Variants in OLAH observed in about 807,000 individuals in gnomAD.
The protein encoded by OLAH is oleoyl-ACP hydrolase.
A neutral mutation model predicts 27.8 loss-of-function variants in OLAH; 33 were observed. The ratio of observed to expected loss-of-function variants is 1.19; its 90% CI spans 0.90 to 1.59. The LOEUF is 1.59. OLAH is among the 40% of genes most tolerant of loss of function. OLAH has a pLI of 0.00. For synonymous variants in OLAH, 120 were observed against 102.9 expected, an observed-to-expected ratio of 1.17 and a Z score of -1.01; for missense variants, 359 against 310.8, an observed-to-expected ratio of 1.16 and a Z score of -1.17.
At chr10:15,038,822 G>C (rs1843879731) in intron 1 of OLAH, 1 of 152,244 alleles carries the variant, frequency 6.6e-6, no homozygotes, top group South Asian at 2.1e-4. Context: ...GAGGGCATGT[G>C]GGAGAATTGA....
chr10:15,062,236 A>T (rs1844382613), intron 4 of OLAH, among the ~76,000 whole-genome samples: 2 of 152,122 alleles, frequency 1.3e-5, no homozygotes, highest in Non-Finnish European at 2.9e-5. Context: ...CCTTGGGAAA[A>T]TTTCTTAGGC....
intron 1 of OLAH, among the ~76,000 whole-genome samples, chr10:15,044,851 T>G (rs1300491657): frequency 6.6e-6 from 1 of 152,208 alleles, no homozygotes; most frequent in African/African-American, 2.4e-5. Context: ...TCTGTGTTTC[T>G]TGGTTTTGCA....
chr10:15,043,863 G>A (rs1281847441), upstream of OLAH: 3 of 152,070 alleles, frequency 2.0e-5, no homozygotes, highest in African/African-American at 7.2e-5. Context: ...CTGCTTTGTT[G>A]TTTTCATTGT....
Position 15,057,099 on chromosome 10 carries a change from T to G in OLAH, c.164-4625T>G, listed in dbSNP as rs990433422. On this transcript the variant is annotated intron_variant, in intron 3 of 7. Coordinates refer to ENST00000378228, the MANE Select transcript of OLAH (RefSeq NM_001039702.3). The stretch of plus-strand genomic sequence containing the variant: ...TATAATCAAGCTTATTACTCTTCTT[T>G]TAAACTTTATGCTTTTTATGGCTTG... 5 of 1,198,246 alleles carry G rather than the reference T, an allele frequency of 4.2e-6. No individual in the cohort carries two copies. The African/African-American group carries it at 7.9e-5, about 19-fold the overall frequency. The allele number at this position is 1,198,246 out of a possible 1,614,324, so 74.2% of individuals were successfully genotyped here.
chr10:15,051,757 G>A (rs1055436286), intron 3 of OLAH, among the ~76,000 whole-genome samples: 1 of 151,828 alleles, frequency 6.6e-6, no homozygotes, highest in African/African-American at 2.4e-5. Context: ...CTCACCGCCA[G>A]TCGTTTTGCC....
chr10:15,057,153 T>C (rs980363549), intron 3 of OLAH, among the ~76,000 whole-genome samples: 2 of 152,128 alleles, frequency 1.3e-5, no homozygotes, highest in African/African-American at 4.8e-5. Context: ...CCTAACCCTA[T>C]ACCCTAACCC....
intron 3 of OLAH, among the ~76,000 whole-genome samples, chr10:15,053,100 A>G (rs370948749): frequency 3.4e-4 from 52 of 152,210 alleles, no homozygotes; most frequent in African/African-American, 1.2e-3. Context: ...TCTCAAGCAT[A>G]TGATAGGCTC....
chr10:15,056,697 C>A (rs1844251858), intron 3 of OLAH: 3 of 1,008,408 alleles, frequency 3.0e-6, no homozygotes, highest in African/African-American at 3.3e-5. Context: ...ATAGCATGAT[C>A]TTGGCTCATT....
Position 15,047,172 on chromosome 10 carries a change from C to T in OLAH, c.-117C>T, listed in dbSNP as rs932375728. 2.2e-5 allele frequency: 20 copies of T among 903,188 alleles called. No individual in the cohort carries two copies. Among genetic ancestry groups the T allele is most frequent in the Admixed American group, 8.3e-5 (3 of 36,240 alleles). The allele number at this position is 903,188 out of a possible 1,614,324, so 55.9% of individuals were successfully genotyped here. On this transcript the variant is annotated 5_prime_UTR_variant, in exon 2 of 8. Coordinates refer to ENST00000378228, the MANE Select transcript of OLAH (RefSeq NM_001039702.3). Reference sequence around the variant, plus strand: ...GTCAGCGCCTTTAAAAAGAAATCTACTCACTCTTCTGTGTGCATAAGGCCG... The same window carrying T: ...GTCAGCGCCTTTAAAAAGAAATCTATTCACTCTTCTGTGTGCATAAGGCCG...
At chr10:15,061,981 A>T in intron 4 of OLAH, 119 bp downstream of exon 4, 3 of 886,466 alleles carry the variant, frequency 3.4e-6, no homozygotes. Flanking sequence ...ACAGCATGTT[A>T]GGTAATTATG....
chr10:15,039,936 G>T (rs1323700235), upstream of OLAH, among the ~76,000 whole-genome samples: 3 of 152,124 alleles, frequency 2.0e-5, no homozygotes, highest in Non-Finnish European at 4.4e-5. Flanking sequence ...AGCTCACTTT[G>T]CTTCTGAACC....
chr10:15,055,785 A>G (rs1844233637), intron 3 of OLAH, among the ~76,000 whole-genome samples: 1 of 151,982 alleles, frequency 6.6e-6, no homozygotes, highest in African/African-American at 2.4e-5. Context: ...CTCTCCATTT[A>G]TGGCCTCCTC....
At chr10:15,071,755 G>A in intron 6 of OLAH, 40 bp from the exon 7 acceptor site, 1 of 1,542,950 alleles carries the variant, frequency 6.5e-7, no homozygotes, top group Non-Finnish European at 8.9e-7. Flanking sequence ...CTGGGATGTT[G>A]ATTTCAAACA....
chr10:15,040,590 C>T (rs981036718), upstream of OLAH, among the ~76,000 whole-genome samples: 1 of 152,240 alleles, frequency 6.6e-6, no homozygotes, highest in Non-Finnish European at 1.5e-5. Context: ...TCCTTCCCTT[C>T]CCCACTTCCC....
chr10:15,063,802 C>G (rs1043679605), intron 4 of OLAH, among the ~76,000 whole-genome samples: 3 of 152,124 alleles, frequency 2.0e-5, no homozygotes, highest in African/African-American at 7.2e-5. Context: ...ATGAAAAAGA[C>G]TATATTTTCC....
At chr10:15,057,590 T>A (rs1212185019) in intron 3 of OLAH, among the ~76,000 whole-genome samples, 3 of 152,000 alleles carry the variant, frequency 2.0e-5, no homozygotes, top group Non-Finnish European at 4.4e-5. Flanking sequence ...TTTGCCATGT[T>A]AGTCAGGCTG....
chr10:15,045,091 G>A (rs533815053), intron 1 of OLAH, among the ~76,000 whole-genome samples: 11 of 152,306 alleles, frequency 7.2e-5, no homozygotes, highest in South Asian at 2.1e-4. Flanking sequence ...ATCTTGAGGA[G>A]AGAGTCACTG....
intron 4 of OLAH, 102 bp from the exon 5 acceptor site, chr10:15,064,301 A>G (rs752135308): frequency 2.1e-4 from 142 of 671,892 alleles, no homozygotes; most frequent in Non-Finnish European, 3.3e-4. Flanking sequence ...CATCTATTAC[A>G]TGATCATTGT....
intron 3 of OLAH, among the ~76,000 whole-genome samples, chr10:15,056,261 G>A (rs1844241916): frequency 6.6e-6 from 1 of 151,840 alleles, no homozygotes. Flanking sequence ...GTATAAACAG[G>A]GCTTCTATGA....
Sources: allele counts gnomAD v4.1 joint callset (sites outside exome capture counted in the v4.1 genomes callset), GRCh38; gene constraint gnomAD v4.1.1; transcripts MANE v1.5; gene names NCBI Gene and HGNC (gene_info 2026-07-23, HGNC 2026-07-21).